Variants in GCC2 observed in about 807,000 individuals in gnomAD.
GCC2 encodes the protein GRIP and coiled-coil domain-containing protein 2.
GCC2 carries 120 observed loss-of-function variants against 210.6 expected under a neutral mutation model. The observed-to-expected ratio is 0.57, with a 90% CI of 0.49 to 0.66. GCC2 has a LOEUF of 0.66. Ranked by LOEUF, GCC2 falls within the 30% of genes least tolerant of loss-of-function variation. The pLI, the probability that GCC2 is intolerant of heterozygous loss-of-function variation, is 0.00. For missense variants in GCC2, 1,868 were observed against 1,871.9 expected (o/e 1.00, Z 0.04); for synonymous variants, 703 against 652.7 (o/e 1.08, Z -1.17).
Position 108,485,870 on chromosome 2 carries a change from G to A in GCC2, c.3754G>A (p.Glu1252Lys). The change falls in exon 15 of 23, where the codon GAG (glutamate) becomes AAG (lysine). Residue 1252 changes from glutamate (E) to lysine (K), a missense_variant. Coordinates refer to ENST00000309863, the MANE Select transcript of GCC2 (RefSeq NM_181453.4). ...AATACTTCAAGCATCTTTAAAAGGTGAGCTGGAGGCAAGCCAGCAGCAAGT... is the reference window on the plus strand; with the variant it reads ...AATACTTCAAGCATCTTTAAAAGGTAAGCTGGAGGCAAGCCAGCAGCAAGT... ...HLILQASLKGELEASQQQVEV... is the reference protein window; with the variant it reads ...HLILQASLKGKLEASQQQVEV... 6.3e-7 allele frequency: 1 copy of A among 1,591,732 alleles called. No individual in the cohort carries two copies. The highest frequency in any genetic ancestry group is 8.6e-7 in the Non-Finnish European group (1 of 1,167,594).
chr2:108,485,709 A>G lies in GCC2; in HGVS notation c.3687A>G (p.Lys1229=), dbSNP rs376460288. ...TCAAGCAATTGCTTGTGAAAACCAA[A>G]AAGGAACTGGCAGATTCAAAGCAAG... ...TKIKQLLVKT[K]KELADSKQAE... Residue 1229 remains lysine (K), a synonymous_variant, in exon 14 of 23, where the codon AAA becomes AAG. Transcript: ENST00000309863. 10 of 1,598,564 alleles carry G rather than the reference A, an allele frequency of 6.3e-6. 1 individual carries two copies. The highest frequency in any genetic ancestry group is 8.5e-6 in the Non-Finnish European group (10 of 1,172,664).
At chr2:108,502,323 G>A (rs1476549124) in intron 22 of GCC2, among the ~76,000 whole-genome samples, 3 of 152,058 alleles carry the variant, frequency 2.0e-5, no homozygotes, top group Admixed American at 2.0e-4. Flanking sequence ...TGTTGCTAAC[G>A]TCCAGGTGGC....
chr2:108,492,612 T>C lies in GCC2; in HGVS notation c.4269T>C (p.Ser1423=), dbSNP rs1376925926. 2 of 1,613,646 alleles carry C rather than the reference T, an allele frequency of 1.2e-6. No individual in the cohort carries two copies. Among genetic ancestry groups the C allele is most frequent in the South Asian group, 2.2e-5 (2 of 91,080 alleles). ...SIQSENMMMK[S]EHTQTVSQLT... Reference sequence around the variant, plus strand: ...AGTCAGAGAACATGATGATGAAATCTGAACATACACAGACTGTGAGTCAGC... The same window carrying C: ...AGTCAGAGAACATGATGATGAAATCCGAACATACACAGACTGTGAGTCAGC... The change falls in exon 19 of 23, where the codon TCT becomes TCC. Residue 1423 remains serine, a synonymous_variant. Coordinates refer to ENST00000309863, the MANE Select transcript of GCC2 (RefSeq NM_181453.4).
chr2:108,492,953 C>G (rs989630699), intron 19 of GCC2, among the ~76,000 whole-genome samples, 163 bp downstream of exon 19: 1 of 152,200 alleles, frequency 6.6e-6, no homozygotes, highest in Admixed American at 6.5e-5. Flanking sequence ...GATAATTGAA[C>G]CATCTGAATC....
At chr2:108,451,207 G>T in intron 3 of GCC2, 95 bp downstream of exon 3, 1 of 713,782 alleles carries the variant, frequency 1.4e-6, no homozygotes, top group South Asian at 1.8e-5. Context: ...GTTTTTGTTT[G>T]TTTTCCAGTG....
At chr2:108,507,513 T>C in intron 22 of GCC2, 47 bp from the exon 23 acceptor site, 1 of 1,397,950 alleles carries the variant, frequency 7.2e-7, no homozygotes, top group Non-Finnish European at 9.9e-7. Flanking sequence ...TTTAATACTC[T>C]CTTTTTTCTT....
At chr2:108,449,771 G>T in intron 2 of GCC2, 82 bp downstream of exon 2, 4 of 1,016,110 alleles carry the variant, frequency 3.9e-6, no homozygotes, top group Non-Finnish European at 6.0e-6. Flanking sequence ...GGAAGGGGGG[G>T]GCGCTGATTT....
intron 11 of GCC2, 136 bp from the exon 12 acceptor site, chr2:108,482,926 C>T (rs1177490409): frequency 1.2e-5 from 7 of 601,274 alleles, no homozygotes; most frequent in South Asian, 8.5e-5. Context: ...GTGATCCACC[C>T]GCCTCGGCCT....
At chr2:108,467,956 T>G (rs1393355984) in intron 4 of GCC2, among the ~76,000 whole-genome samples, 1 of 152,186 alleles carries the variant, frequency 6.6e-6, no homozygotes, top group African/African-American at 2.4e-5. Context: ...GTATTATGCT[T>G]CTTAAATTTT....
chr2:108,487,892 C>T (rs1050981011), intron 17 of GCC2, 72 bp downstream of exon 17: 109 of 1,179,792 alleles, frequency 9.2e-5, no homozygotes, highest in Middle Eastern at 2.1e-4. Flanking sequence ...ATTGAAAATC[C>T]TATTATGATT....
chr2:108,473,046 CT>C (rs1681323057), intron 7 of GCC2, 147 bp downstream of exon 7: 3 of 512,226 alleles, frequency 5.9e-6, no homozygotes, highest in Middle Eastern at 5.1e-4. Flanking sequence ...ATTCTTGCCC[CT>C]CTAACACCTG....
chr2:108,506,810 G>A (rs1167831577), intron 22 of GCC2, among the ~76,000 whole-genome samples: 1 of 152,124 alleles, frequency 6.6e-6, no homozygotes, highest in Non-Finnish European at 1.5e-5. Flanking sequence ...GACAAATAAT[G>A]TTCGAGAACA....
Position 108,470,855 on chromosome 2 carries a change from A to C in GCC2, c.1526A>C (p.Lys509Thr). The change falls in exon 6 of 23, where the codon AAG becomes ACG. Residue 509 changes from lysine to threonine, a missense_variant. Lys to Thr is a moderately conservative substitution (Grantham distance 78, BLOSUM62 -1). Around this residue, in one of 3 missense-constraint regions of GCC2, gnomAD observed 1,847 missense variants for 1,765.2 expected, o/e 1.05. Coordinates refer to ENST00000309863, the MANE Select transcript of GCC2 (RefSeq NM_181453.4). ...ATAAGTCAAGAGTTCGAATCAATGA[A>C]GCAACAGCAAGCATCTGATGTTCAT... ...GKISQEFESM[K>T]QQQASDVHEL... is the part of the protein sequence containing the mutation. The C allele has an allele frequency of 6.2e-7, 1 of 1,613,832 alleles. No homozygotes were observed. Among genetic ancestry groups the C allele is most frequent in the Non-Finnish European group, 8.5e-7 (1 of 1,179,796 alleles).
Position 108,469,989 on chromosome 2 carries a change from A to G in GCC2, c.660A>G (p.Gln220=). The change falls in exon 6 of 23, where the codon CAA becomes CAG. Residue 220 remains glutamine (Q), a synonymous_variant. Coordinates refer to ENST00000309863, the MANE Select transcript of GCC2 (RefSeq NM_181453.4). The part of the protein sequence containing the change: ...DEKKETVTQL[Q]NIIEANSQHY... ...AGAAGGAAACAGTTACTCAACTCCA[A>G]AATATCATTGAGGCTAATTCTCAGC... 6.2e-7 allele frequency: 1 copy of G among 1,612,718 alleles called. No homozygotes were observed. The highest frequency in any genetic ancestry group is 8.5e-7 in the Non-Finnish European group (1 of 1,179,162).
chr2:108,507,589 G>C lies in GCC2; in HGVS notation c.5014G>C (p.Gly1672Arg). The C allele has an allele frequency of 3.8e-6, 6 of 1,598,672 alleles. No homozygotes were observed. The highest frequency in any genetic ancestry group is 5.1e-6 in the Non-Finnish European group (6 of 1,170,586). The change falls in exon 23 of 23, where the codon GGA (glycine) becomes CGA (arginine). Residue 1672 changes from glycine (G) to arginine (R), a missense_variant. Gly to Arg is a moderately radical substitution (Grantham distance 125). Transcript: ENST00000309863. ...GGAAGAAAATGCTTCCCGTTCTTCT[G>C]GATGGGCATCCTATCTTCATAGTTG... is the stretch of plus-strand genomic sequence containing the variant. Reference protein sequence around the residue: ...GEEENASRSSGWASYLHSWSG... With the variant: ...GEEENASRSSRWASYLHSWSG...
intron 5 of GCC2, 112 bp from the exon 6 acceptor site, chr2:108,469,537 ATT>A: frequency 1.5e-6 from 1 of 681,648 alleles, no homozygotes; most frequent in South Asian, 2.1e-5. Context: ...CTCCAAATAC[ATT>A]TCTGCTCATT....
chr2:108,478,045 T>C (rs940482871), intron 9 of GCC2, among the ~76,000 whole-genome samples: 1 of 149,270 alleles, frequency 6.7e-6, no homozygotes, highest in Non-Finnish European at 1.5e-5. Flanking sequence ...AAGGAAAAGA[T>C]TGATAGATTT....
intron 13 of GCC2, among the ~76,000 whole-genome samples, 177 bp from the exon 14 acceptor site, chr2:108,485,459 G>T (rs1240947128): frequency 6.6e-6 from 1 of 152,076 alleles, no homozygotes; most frequent in Non-Finnish European, 1.5e-5. Flanking sequence ...CGGGAGTTGG[G>T]TACAGTAGAG....
At chr2:108,475,943 CA>C in intron 9 of GCC2, 93 bp downstream of exon 9, 2 of 619,772 alleles carry the variant, frequency 3.2e-6, no homozygotes, top group Non-Finnish European at 5.5e-6. Context: ...CTATTGTCAA[CA>C]AAACAATCAC....
Sources: allele counts gnomAD v4.1 joint callset (sites outside exome capture counted in the v4.1 genomes callset), GRCh38; gene constraint gnomAD v4.1.1; regional missense constraint gnomAD v4.1.1; transcripts MANE v1.5; gene names NCBI Gene and HGNC (gene_info 2026-07-23, HGNC 2026-07-21).